Variants in GFRA1 observed in about 807,000 individuals in gnomAD.
GFRA1 encodes the protein GDNF family receptor alpha-1.
Under a neutral mutation model 51.6 loss-of-function variants are expected in GFRA1, and 16 were observed. The observed-to-expected ratio is 0.31, with a 90% CI of 0.21 to 0.47. The LOEUF is 0.47. Among genes scored for constraint, GFRA1 ranks in the 20% least tolerant of loss-of-function variants. The probability of loss-of-function intolerance (pLI) is 1.00; values close to 1 mark genes in which losing one functional copy is unlikely to be tolerated. For synonymous variants in GFRA1, 270 were observed against 241.3 expected (o/e 1.12, Z -1.10); for missense variants, 530 against 594.3 (o/e 0.89, Z 1.13).
intron 5 of GFRA1, among the ~76,000 whole-genome samples, chr10:116,155,515 C>T (rs1231779713): frequency 6.6e-6 from 1 of 152,128 alleles, no homozygotes; most frequent in African/African-American, 2.4e-5. Context: ...TCCCACAACC[C>T]AGAACAGATA....
chr10:116,223,611 G>C (rs1966078163), intron 4 of GFRA1, among the ~76,000 whole-genome samples: 1 of 152,118 alleles, frequency 6.6e-6, no homozygotes, highest in Non-Finnish European at 1.5e-5. Flanking sequence ...AGAGAGCTGA[G>C]AACACCTTGC....
Position 116,063,970 on chromosome 10 carries a change from T to C in GFRA1, c.*428A>G, listed in dbSNP as rs182383667. 49 of 187,328 alleles carry C rather than the reference T, an allele frequency of 2.6e-4. No individual in the cohort carries two copies. In the East Asian group the frequency reaches 3.9e-3, roughly 15 times the overall value. 11.6% of individuals were successfully genotyped at this position (187,328 alleles called of 1,614,324 possible). On this transcript the variant is annotated 3_prime_UTR_variant, in exon 11 of 11. Coordinates refer to ENST00000355422, the MANE Select transcript of GFRA1 (RefSeq NM_005264.8). ...TAGAAATCAATGTCATTAAAGGAGATATGGGAGTTACCTTAGAAATATTAA... is the reference window on the plus strand; with the variant it reads ...TAGAAATCAATGTCATTAAAGGAGACATGGGAGTTACCTTAGAAATATTAA...
chr10:116,125,463 G>C lies in GFRA1; in HGVS notation c.528C>G (p.Thr176=), dbSNP rs749237273. The C allele has an allele frequency of 1.9e-6, 3 of 1,613,944 alleles. No homozygotes were observed. In the African/African-American group the frequency reaches 4.0e-5, roughly 22 times the overall value. ...CGTTGGACACGCTGGTGGTGCACGG[G>C]GTGATGTACGCCGACCTGTACTTCT... ...ICKKYRSAYI[T]PCTTSVSNDV... is the part of the protein sequence containing the mutation. Residue 176 remains threonine, a synonymous_variant, in exon 6 of 11, where the codon ACC becomes ACG. Transcript: ENST00000355422.
chr10:116,183,722 C>G (rs967408039), intron 5 of GFRA1, among the ~76,000 whole-genome samples: 18 of 152,220 alleles, frequency 1.2e-4, no homozygotes, highest in Admixed American at 3.9e-4. Context: ...CTCTTGCTCA[C>G]TCACCTACTC....
chr10:116,216,389 C>T (rs1013402910), intron 4 of GFRA1, among the ~76,000 whole-genome samples: 19 of 152,124 alleles, frequency 1.2e-4, no homozygotes, highest in African/African-American at 3.9e-4. Flanking sequence ...ATGAGGAGAA[C>T]TGGATGGCAG....
At chr10:116,179,079 C>T (rs112008847) in intron 5 of GFRA1, among the ~76,000 whole-genome samples, 1 of 152,166 alleles carries the variant, frequency 6.6e-6, no homozygotes, top group South Asian at 2.1e-4. Flanking sequence ...AGAGGCTGGC[C>T]AGCCCCTCAG....
At chr10:116,143,250 A>T (rs1196545337) in intron 5 of GFRA1, among the ~76,000 whole-genome samples, 3 of 151,992 alleles carry the variant, frequency 2.0e-5, no homozygotes, top group Non-Finnish European at 1.5e-5. Flanking sequence ...CTTGTGATGA[A>T]CCATTTCCTG....
At chr10:116,233,769 A>G in intron 4 of GFRA1, among the ~76,000 whole-genome samples, 1 of 152,206 alleles carries the variant, frequency 6.6e-6, no homozygotes, top group East Asian at 1.9e-4. Context: ...CGATGTAAAT[A>G]CTTTGCCTGA....
intron 5 of GFRA1, among the ~76,000 whole-genome samples, chr10:116,189,380 C>A (rs1006413250): frequency 6.6e-6 from 1 of 152,128 alleles, no homozygotes; most frequent in Non-Finnish European, 1.5e-5. Context: ...CCCCTGAGCC[C>A]CAGCATGCTC....
chr10:116,101,325 AATG>A (rs1422177202), intron 6 of GFRA1, among the ~76,000 whole-genome samples: 3 of 152,206 alleles, frequency 2.0e-5, no homozygotes, highest in Non-Finnish European at 4.4e-5. Context: ...TGACGACAGC[AATG>A]ATGAGCTCTG....
At chr10:116,267,147 G>T (rs1969722433) in intron 4 of GFRA1, among the ~76,000 whole-genome samples, 1 of 151,768 alleles carries the variant, frequency 6.6e-6, no homozygotes, top group South Asian at 2.1e-4. Context: ...TCTCTAAAAA[G>T]AAAAGTTTTT....
At chr10:116,123,873 C>T (rs544366398) in intron 6 of GFRA1, among the ~76,000 whole-genome samples, 5 of 152,288 alleles carry the variant, frequency 3.3e-5, no homozygotes, top group African/African-American at 1.2e-4. Context: ...TCTTTTCACT[C>T]TACCTACGTC....
intron 5 of GFRA1, among the ~76,000 whole-genome samples, chr10:116,146,441 G>A (rs149350747): frequency 1.4e-4 from 22 of 152,186 alleles, no homozygotes; most frequent in Non-Finnish European, 2.1e-4. Context: ...ATTATTTTCC[G>A]TAGACAAGCT....
At chr10:116,118,768 T>C (rs1957529259) in intron 6 of GFRA1, among the ~76,000 whole-genome samples, 4 of 152,320 alleles carry the variant, frequency 2.6e-5, no homozygotes, top group African/African-American at 7.2e-5. Flanking sequence ...TCCCTGCTTT[T>C]TTCTCTCTCT....
At chr10:116,197,773 G>A (rs1964010522) in intron 5 of GFRA1, among the ~76,000 whole-genome samples, 1 of 152,210 alleles carries the variant, frequency 6.6e-6, no homozygotes, top group South Asian at 2.1e-4. Flanking sequence ...TTATACTTTA[G>A]CCATGATGGC....
chr10:116,135,635 T>A (rs1033710864), intron 5 of GFRA1, among the ~76,000 whole-genome samples: 1 of 152,216 alleles, frequency 6.6e-6, no homozygotes, highest in Non-Finnish European at 1.5e-5. Flanking sequence ...ATATTAGACA[T>A]AAAAACACTC....
At chr10:116,179,220 A>G (rs1030143011) in intron 5 of GFRA1, among the ~76,000 whole-genome samples, 2 of 152,218 alleles carry the variant, frequency 1.3e-5, no homozygotes, top group African/African-American at 4.8e-5. Flanking sequence ...CACTGATCTA[A>G]GCACCTTGAA....
chr10:116,159,578 G>A (rs1959529765), intron 5 of GFRA1, among the ~76,000 whole-genome samples: 2 of 152,170 alleles, frequency 1.3e-5, no homozygotes, highest in Admixed American at 1.3e-4. Context: ...CAAAGTGTAA[G>A]GTTCAGTGTT....
At chr10:116,089,441 C>T (rs183114130) in intron 9 of GFRA1, among the ~76,000 whole-genome samples, 247 of 152,236 alleles carry the variant, frequency 1.6e-3, no homozygotes, top group Middle Eastern at 6.8e-3. Flanking sequence ...GACAACCCCA[C>T]GCACAGAAAA....
Sources: gnomAD v4.1 joint callset for allele counts (sites outside exome capture counted in the v4.1 genomes callset) on GRCh38, gnomAD v4.1.1 for gene constraint, MANE v1.5 for transcripts, NCBI Gene and HGNC (gene_info 2026-07-23, HGNC 2026-07-21) for gene names.